The following MAG variants were observed in gnomAD, a reference collection of about 807,000 sequenced individuals.
MAG encodes myelin-associated glycoprotein.
MAG carries 30 observed loss-of-function variants against 60.7 expected under a neutral mutation model. The observed-to-expected ratio is 0.49, with a 90% CI of 0.37 to 0.67. The LOEUF (loss-of-function observed/expected upper bound fraction) is 0.67, where lower values mean the gene tolerates loss of function less well. Ranked by LOEUF, MAG falls within the 30% of genes least tolerant of loss-of-function variation. The pLI, the probability that MAG is intolerant of heterozygous loss-of-function variation, is 0.00. For synonymous variants in MAG, 384 were observed against 376.8 expected (o/e 1.02, Z -0.22); for missense variants, 795 against 851.7 (o/e 0.93, Z 0.83).
At position 35,295,279 on chromosome 19, in the gene MAG, A is replaced by C. The variant is rs774187694; in HGVS notation, c.-23-107A>C. 1 of 851,990 alleles carries C rather than the reference A, an allele frequency of 1.2e-6. No individual in the cohort carries two copies. Among genetic ancestry groups the C allele is most frequent in the Non-Finnish European group, 1.9e-6 (1 of 540,272 alleles). The allele number at this position is 851,990 out of a possible 1,614,324, so 52.8% of individuals were successfully genotyped here. A position where few individuals can be genotyped will look rare whatever the true frequency, so the allele number is the denominator to read the frequency against. ...TAAGTAAATAAATGCATAAATAAATAATAATAGCAGCAGCAGCTAACATAT... is the reference window on the plus strand; with the variant it reads ...TAAGTAAATAAATGCATAAATAAATCATAATAGCAGCAGCAGCTAACATAT... On this transcript the variant is annotated intron_variant, in intron 2 of 10. Transcript: ENST00000392213. This position sits in a 1 kb window ranked among gnomAD's most constrained non-coding sequence, Gnocchi z 5.8.
chr19:35,299,622 C>A lies in MAG; in HGVS notation c.484C>A (p.Pro162Thr). The change falls in exon 5 of 11, where the codon CCG becomes ACG. Residue 162 changes from proline (P) to threonine (T), a missense_variant. Pro to Thr is a conservative substitution (Grantham distance 38). Coordinates refer to ENST00000392213, the MANE Select transcript of MAG (RefSeq NM_002361.4). ...GTEVEVSCMV[P>T]DNCPELRPEL... ...GGAGGTGGAGGTCAGCTGCATGGTGCCGGACAACTGCCCAGAGCTGCGCCC... is the reference window on the plus strand; with the variant it reads ...GGAGGTGGAGGTCAGCTGCATGGTGACGGACAACTGCCCAGAGCTGCGCCC... The A allele has an allele frequency of 6.2e-7, 1 of 1,610,668 alleles. No individual in the cohort carries two copies. Among genetic ancestry groups the A allele is most frequent in the Non-Finnish European group, 8.5e-7 (1 of 1,178,190 alleles).
Position 35,293,176 on chromosome 19 carries a change from G to C in MAG, c.-80+972G>C, listed in dbSNP as rs1300949976. Among the ~76,000 whole-genome samples, 3 of 152,094 alleles carry C rather than the reference G, an allele frequency of 2.0e-5. No individual in the cohort carries two copies. The highest frequency in any genetic ancestry group is 4.4e-5 in the Non-Finnish European group (3 of 68,030). On this transcript the variant is annotated intron_variant, in intron 1 of 10. Coordinates refer to ENST00000392213, the MANE Select transcript of MAG (RefSeq NM_002361.4). The surrounding 1 kb of genome is among the most constrained non-coding windows in gnomAD (Gnocchi z 4.0). ...ACAGGTGCAAGGGCAGCGTCGGCCA[G>C]GTGTCCATCGGCGCGTGTCTGAGTG...
Position 35,313,365 on chromosome 19 carries a change from T to C in MAG, c.1792T>C (p.Ser598Pro), listed in dbSNP as rs781652816. 8.1e-6 allele frequency: 13 copies of C among 1,614,108 alleles called. No homozygotes were observed. The highest frequency in any genetic ancestry group is 6.7e-5 in the Admixed American group (4 of 60,018). ...GCCCCCAGAGCTGGACCTGAGCTAT[T>C]CTCACTCGGACCTGGGGAAACGGCC... ...GEPPELDLSYSHSDLGKRPTK... is the reference protein window; with the variant it reads ...GEPPELDLSYPHSDLGKRPTK... Residue 598 changes from serine (S) to proline (P), a missense_variant, in exon 11 of 11, where the codon TCT (serine) becomes CCT (proline). Coordinates refer to ENST00000392213, the MANE Select transcript of MAG (RefSeq NM_002361.4).
At position 35,310,160 on chromosome 19, in the gene MAG, C is replaced by T. The variant is rs1364608976; in HGVS notation, c.1518C>T (p.Ala506=). Residue 506 remains alanine, a splice_region_variant and synonymous_variant, in exon 8 of 11, where the codon GCC becomes GCT. Coordinates refer to ENST00000392213, the MANE Select transcript of MAG (RefSeq NM_002361.4). ...AKSLELPFQG[A]HRLMWAKIGP... Reference sequence around the variant, plus strand: ...GCCTGGAGCTGCCCTTCCAGGGAGCCCGTGAGTGGCGTGGACTTGGGGTGG... The same window carrying T: ...GCCTGGAGCTGCCCTTCCAGGGAGCTCGTGAGTGGCGTGGACTTGGGGTGG... 12 of 1,601,502 alleles carry T rather than the reference C, an allele frequency of 7.5e-6. No individual in the cohort carries two copies. In the South Asian group the frequency reaches 1.2e-4, roughly 16 times the overall value.
rs201603748 is a variant in MAG, at chr19:35,313,544, G to A, written c.*90G>A. On this transcript the variant is annotated 3_prime_UTR_variant, in exon 11 of 11. Coordinates refer to ENST00000392213, the MANE Select transcript of MAG (RefSeq NM_002361.4). ...GGGCTCCCTTCCTCCCAAAAGTATC[G>A]GGGGCTGGGGCAGGAGGGGAGTGAG... The A allele has an allele frequency of 7.7e-5, 105 of 1,355,332 alleles. 1 individual carries two copies. In the Admixed American group the frequency reaches 1.1e-3, roughly 14 times the overall value. The allele number at this position is 1,355,332 out of a possible 1,614,324, so 84.0% of individuals were successfully genotyped here.
Position 35,299,574 on chromosome 19 carries a change from C to T in MAG, c.436C>T (p.Pro146Ser), listed in dbSNP as rs751214414. ...TATAGACACCCCCAACATCGTGGTGCCCCCAGAGGTGGTGGCAGGCACGGA... is the reference window on the plus strand; with the variant it reads ...TATAGACACCCCCAACATCGTGGTGTCCCCAGAGGTGGTGGCAGGCACGGA... ...DIVNTPNIVV[P>S]PEVVAGTEVE... is the part of the protein sequence containing the mutation. Residue 146 changes from proline to serine, a missense_variant, in exon 5 of 11, where the codon CCC (proline) becomes TCC (serine). By Grantham distance (74) the Pro-to-Ser change is moderately conservative (BLOSUM62 -1). Coordinates refer to ENST00000392213, the MANE Select transcript of MAG (RefSeq NM_002361.4). The T allele has an allele frequency of 6.3e-7, 1 of 1,592,170 alleles. No homozygotes were observed. The highest frequency in any genetic ancestry group is 1.7e-5 in the Admixed American group (1 of 58,920).
rs979134415 is a variant in MAG, at chr19:35,293,850, C to T, written c.-79-385C>T. Reference sequence around the variant, plus strand: ...GGGCCGTCTGTGGGGTGGGAGAGGGCGGCAGGAATTCACGCGGCATGTCGG... The same window carrying T: ...GGGCCGTCTGTGGGGTGGGAGAGGGTGGCAGGAATTCACGCGGCATGTCGG... On this transcript the variant is annotated intron_variant, in intron 1 of 10. Transcript: ENST00000392213. This position sits in a 1 kb window ranked among gnomAD's most constrained non-coding sequence, Gnocchi z 4.0. Among the ~76,000 whole-genome samples the T allele has an allele frequency of 4.6e-5, 7 of 152,020 alleles. No homozygotes were observed. The highest frequency in any genetic ancestry group is 8.8e-5 in the Non-Finnish European group (6 of 67,978).
At chr19:35,299,196 T>A (rs1275413948) in intron 4 of MAG, among the ~76,000 whole-genome samples, 1 of 152,198 alleles carries the variant, frequency 6.6e-6, no homozygotes, top group African/African-American at 2.4e-5. Flanking sequence ...TTGTAGCCAG[T>A]GTTACCTGGT....
In MAG at chr19:35,297,843, C is replaced by T. The variant is rs563302790; in HGVS notation, c.416-1711C>T. Among the ~76,000 whole-genome samples, 15 of 148,336 alleles carry T rather than the reference C, an allele frequency of 1.0e-4. No individual in the cohort carries two copies. The East Asian group carries it at 1.4e-3, about 14-fold the overall frequency. ...ACACACAACAAACATGCACAACACA[C>T]GCTACACAAACCACACACCACACAC... On this transcript the variant is annotated intron_variant, in intron 4 of 10. Coordinates refer to ENST00000392213, the MANE Select transcript of MAG (RefSeq NM_002361.4).
In MAG at chr19:35,295,934, G is replaced by A. The variant is rs2066394746; in HGVS notation, c.368G>A (p.Gly123Asp). 1 of 1,612,296 alleles carries A rather than the reference G, an allele frequency of 6.2e-7. No homozygotes were observed. Among genetic ancestry groups the A allele is most frequent in the African/African-American group, 1.3e-5 (1 of 74,908 alleles). Residue 123 changes from glycine (G) to aspartate (D), a missense_variant, in exon 4 of 11, where the codon GGC (glycine) becomes GAC (aspartate). By Grantham distance (94) the Gly-to-Asp change is moderately conservative (BLOSUM62 -1). Transcript: ENST00000392213. The surrounding 1 kb of genome is among the most constrained non-coding windows in gnomAD (Gnocchi z 5.8). The part of the protein sequence containing the change: ...GKYYFRGDLG[G>D]YNQYTFSEHS... The stretch of plus-strand genomic sequence containing the variant: ...TACTACTTCCGTGGGGACCTGGGCG[G>A]CTACAACCAGTACACCTTCTCAGAG...
At chr19:35,305,960 C>CG (rs1555764493) in intron 7 of MAG, among the ~76,000 whole-genome samples, 3 of 143,664 alleles carry the variant, frequency 2.1e-5, no homozygotes, top group Non-Finnish European at 1.5e-5. Flanking sequence ...CCCAGCCCCC[C>CG]ACTCCAGCCT....
chr19:35,308,917 G>A (rs2066504421), intron 7 of MAG, among the ~76,000 whole-genome samples: 1 of 152,146 alleles, frequency 6.6e-6, no homozygotes, highest in African/African-American at 2.4e-5. Context: ...GAGTGCAAAT[G>A]AGCTATAGTA....
At chr19:35,304,572 G>A (rs956755883) in intron 7 of MAG, among the ~76,000 whole-genome samples, 1 of 150,742 alleles carries the variant, frequency 6.6e-6, no homozygotes, top group Admixed American at 6.6e-5. Context: ...ACTGAGTCTC[G>A]CTCTGTCACC....
chr19:35,308,747 T>C (rs1423893272), intron 7 of MAG, among the ~76,000 whole-genome samples: 1 of 152,216 alleles, frequency 6.6e-6, no homozygotes, highest in Non-Finnish European at 1.5e-5. Flanking sequence ...ACTGATTTCA[T>C]TTAGGGTGAA....
In MAG at chr19:35,310,530, G is replaced by A. The variant is rs1327175685; in HGVS notation, c.1520-17G>A. 1.2e-6 allele frequency: 2 copies of A among 1,612,874 alleles called. No individual in the cohort carries two copies. Among genetic ancestry groups the A allele is most frequent in the Admixed American group, 3.3e-5 (2 of 60,034 alleles). ...CACCCATAGCCCTAAGGGCGCCTGG[G>A]TCTTTTCTGTCCTCAGATCGACTGA... On this transcript the variant is annotated splice_polypyrimidine_tract_variant and intron_variant, in intron 8 of 10. Coordinates refer to ENST00000392213, the MANE Select transcript of MAG (RefSeq NM_002361.4).
chr19:35,300,003 C>T (rs901786673), intron 5 of MAG, 144 bp from the exon 6 acceptor site: 5 of 104,724 alleles, frequency 4.8e-5, no homozygotes, highest in Admixed American at 5.0e-4. Flanking sequence ...TTGGGTGGGA[C>T]GGGGGCGGAA....
intron 8 of MAG, 131 bp downstream of exon 8, chr19:35,310,292 T>G: frequency 7.8e-7 from 1 of 1,287,330 alleles, no homozygotes; most frequent in Middle Eastern, 2.2e-4. Context: ...ATTCTCCCTT[T>G]CCGGTTGGAG....
At position 35,301,576 on chromosome 19, in the gene MAG, C is replaced by T. The variant is rs201501306; in HGVS notation, c.971-872C>T. 2.6e-4 allele frequency among the ~76,000 whole-genome samples: 39 copies of T among 152,018 alleles called. No individual in the cohort carries two copies. In the East Asian group the frequency reaches 6.8e-3, roughly 26 times the overall value. On this transcript the variant is annotated intron_variant, in intron 6 of 10. Coordinates refer to ENST00000392213, the MANE Select transcript of MAG (RefSeq NM_002361.4). Reference sequence around the variant, plus strand: ...CCTCCCGAGTAGCTAGAATTATAGGCGCACACCACCACACCTGGCTAATTT... The same window carrying T: ...CCTCCCGAGTAGCTAGAATTATAGGTGCACACCACCACACCTGGCTAATTT...
In MAG at chr19:35,300,231, AC is replaced by A; in HGVS notation, c.803del (p.Pro268ArgfsTer4). On this transcript the variant is annotated frameshift_variant, in exon 6 of 11. Transcript: ENST00000392213. LOFTEE classifies it high-confidence loss of function. ...AGCCTGCTCTGTGGGGCTGACAGCAACCCCCCGCCGCTGCTGACCTGGATGC... is the reference window on the plus strand; with the variant it reads ...AGCCTGCTCTGTGGGGCTGACAGCAACCCCCGCCGCTGCTGACCTGGATGC... ...HVSLLCGADS[N>X]PPPLLTWMRD... 4.4e-6 allele frequency: 7 copies of A among 1,576,800 alleles called. No individual in the cohort carries two copies. The highest frequency in any genetic ancestry group is 1.7e-6 in the Non-Finnish European group (2 of 1,163,312).
Sources: gnomAD v4.1 joint callset for allele counts (sites outside exome capture counted in the v4.1 genomes callset) on GRCh38, gnomAD v4.1.1 for gene constraint, Gnocchi (gnomAD v3.1) non-coding constraint, MANE v1.5 for transcripts, NCBI Gene and HGNC (gene_info 2026-07-23, HGNC 2026-07-21) for gene names.